FBH1: variants seen among roughly 807,000 people sequenced by gnomAD.
FBH1 encodes DNA 3'-5' helicase 1.
A neutral mutation model predicts 115.5 loss-of-function variants in FBH1; 43 were observed. The observed-to-expected ratio is 0.37, with a 90% CI of 0.29 to 0.48. The LOEUF (loss-of-function observed/expected upper bound fraction) is 0.48, where lower values mean the gene tolerates loss of function less well. FBH1 is among the 20% of genes least tolerant of loss of function. The probability of loss-of-function intolerance (pLI) is 0.99; values close to 1 mark genes in which losing one functional copy is unlikely to be tolerated. For synonymous variants in FBH1, 524 were observed against 507.8 expected (o/e 1.03, Z -0.43); for missense variants, 1,001 against 1,337.3 (o/e 0.75, Z 3.92).
rs1344950920 is a variant in FBH1 at position 5,933,755 on chromosome 10, G to A, written c.2830-2701G>A. Among the ~76,000 whole-genome samples the A allele has an allele frequency of 6.6e-6, 1 of 151,918 alleles. No individual in the cohort carries two copies. The highest frequency in any genetic ancestry group is 1.9e-4 in the East Asian group (1 of 5,178). On this transcript the variant is annotated intron_variant, in intron 19 of 20. Coordinates refer to ENST00000362091, the MANE Select transcript of FBH1 (RefSeq NM_178150.3). The surrounding 1 kb of genome is among the most constrained non-coding windows in gnomAD (Gnocchi z 4.9). ...CCTCCTGGGTTCAAGCTGTTCTCCT[G>A]TGTCAGCCTCTCAAGTAGCTGGTAG... is the stretch of plus-strand genomic sequence containing the variant.
chr10:5,936,576 C>T lies in FBH1; in HGVS notation c.2950C>T (p.Pro984Ser), dbSNP rs915735858. ...CACCGTCCTTACCATGAAGAAGCTG[C>T]CCATCACCTATGTACGTCTGCTGTC... ...VDTVLTMKKL[P>S]ITYSNRKENK... The change falls in exon 20 of 21, where the codon CCC (proline) becomes TCC (serine). Residue 984 changes from proline (P) to serine (S), a missense_variant. Around this residue, in one of 4 missense-constraint regions of FBH1, gnomAD observed 521 missense variants for 811.0 expected, o/e 0.64. Transcript: ENST00000362091. This position sits in a 1 kb window ranked among gnomAD's most constrained non-coding sequence, Gnocchi z 5.6. 3.7e-6 allele frequency: 6 copies of T among 1,614,070 alleles called. No homozygotes were observed. In the Admixed American group the frequency reaches 5.0e-5, roughly 13 times the overall value.
At position 5,925,156 on chromosome 10, in the gene FBH1, T is replaced by C; in HGVS notation, c.2597-211T>C. 1 of 569,998 alleles carries C rather than the reference T, an allele frequency of 1.8e-6. No individual in the cohort carries two copies. 35.3% of individuals were successfully genotyped at this position (569,998 alleles called of 1,614,324 possible). On this transcript the variant is annotated intron_variant, in intron 17 of 20. Coordinates refer to ENST00000362091, the MANE Select transcript of FBH1 (RefSeq NM_178150.3). The surrounding 1 kb of genome is among the most constrained non-coding windows in gnomAD (Gnocchi z 4.6). ...GAGGCGTTAACTCTCCTGCAACTAA[T>C]TTTCGACTTTTCCCCTCGTCTTTTT...
chr10:5,908,612 T>G (rs995869944), intron 3 of FBH1, among the ~76,000 whole-genome samples: 7 of 152,096 alleles, frequency 4.6e-5, no homozygotes, highest in Admixed American at 1.3e-4. Flanking sequence ...CTTTCTTTTT[T>G]TTTTTTTGAG....
At chr10:5,930,176 A>C (rs1357507449) in intron 19 of FBH1, among the ~76,000 whole-genome samples, 1 of 152,218 alleles carries the variant, frequency 6.6e-6, no homozygotes, top group Non-Finnish European at 1.5e-5. Context: ...CATAACTACC[A>C]TGCCATTTTC....
Position 5,909,125 on chromosome 10 carries a change from C to T in FBH1, c.885-34C>T, listed in dbSNP as rs1831399445. ...CTTGTACATCAGTGCTTATGGTCAC[C>T]CTACTCATGGCCTCTCCTGTGAATG... On this transcript the variant is annotated intron_variant, in intron 4 of 20. Transcript: ENST00000362091. This position sits in a 1 kb window ranked among gnomAD's most constrained non-coding sequence, Gnocchi z 4.4. The T allele has an allele frequency of 1.2e-6, 2 of 1,613,328 alleles. No individual in the cohort carries two copies. Among genetic ancestry groups the T allele is most frequent in the Non-Finnish European group, 1.7e-6 (2 of 1,179,742 alleles).
Position 5,921,606 on chromosome 10 carries a change from A to C in FBH1, c.2322+37A>C. Reference sequence around the variant, plus strand: ...TTTCTGTTGACCACTTCATGCACAGAAACGTTGTAGACGAACATACCCAAT... The same window carrying C: ...TTTCTGTTGACCACTTCATGCACAGCAACGTTGTAGACGAACATACCCAAT... On this transcript the variant is annotated intron_variant, in intron 15 of 20. Coordinates refer to ENST00000362091, the MANE Select transcript of FBH1 (RefSeq NM_178150.3). The surrounding 1 kb of genome is among the most constrained non-coding windows in gnomAD (Gnocchi z 6.4). The C allele has an allele frequency of 6.3e-7, 1 of 1,581,006 alleles. No individual in the cohort carries two copies. The highest frequency in any genetic ancestry group is 2.1e-5 in the Admixed American group (1 of 47,514).
At position 5,924,942 on chromosome 10, in the gene FBH1, G is replaced by A. The variant is rs952242294; in HGVS notation, c.2597-425G>A. The stretch of plus-strand genomic sequence containing the variant: ...ATTGCTTAAGGGAAAGGGGAGCAGA[G>A]TCCTGGTTCTTCCTCAGGGGCTCTT... On this transcript the variant is annotated intron_variant, in intron 17 of 20. Coordinates refer to ENST00000362091, the MANE Select transcript of FBH1 (RefSeq NM_178150.3). The surrounding 1 kb of genome is among the most constrained non-coding windows in gnomAD (Gnocchi z 6.2). 2.8e-6 allele frequency: 1 copy of A among 356,396 alleles called. No homozygotes were observed. Among genetic ancestry groups the A allele is most frequent in the South Asian group, 2.2e-5 (1 of 45,092 alleles). The allele number at this position is 356,396 out of a possible 1,614,324, so 22.1% of individuals were successfully genotyped here.
Position 5,915,974 on chromosome 10 carries a change from C to T in FBH1, c.1566-260C>T. On this transcript the variant is annotated intron_variant, in intron 9 of 20. Transcript: ENST00000362091. The surrounding 1 kb of genome is among the most constrained non-coding windows in gnomAD (Gnocchi z 5.2). ...GGAACTCCAAGGGTCCCTCCGGGGA[C>T]CTTCTGGAGCCCAGCTTCATGGTGG... The T allele has an allele frequency of 1.9e-6, 1 of 517,872 alleles. No individual in the cohort carries two copies. The highest frequency in any genetic ancestry group is 3.4e-5 in the East Asian group (1 of 29,104). 32.1% of individuals were successfully genotyped at this position (517,872 alleles called of 1,614,324 possible).
In FBH1 at chr10:5,923,575, C is replaced by A; in HGVS notation, c.2323-46C>A. 1 of 1,522,942 alleles carries A rather than the reference C, an allele frequency of 6.6e-7. No homozygotes were observed. 94.3% of individuals were successfully genotyped at this position (1,522,942 alleles called of 1,614,324 possible). On this transcript the variant is annotated intron_variant, in intron 15 of 20. Coordinates refer to ENST00000362091, the MANE Select transcript of FBH1 (RefSeq NM_178150.3). The surrounding 1 kb of genome is among the most constrained non-coding windows in gnomAD (Gnocchi z 5.7). ...TAAAGCAACAACAAACAAAACAAAACAAAAAACAACAAAAAAACAAAAATC... is the reference window on the plus strand; with the variant it reads ...TAAAGCAACAACAAACAAAACAAAAAAAAAAACAACAAAAAAACAAAAATC...
In FBH1 at chr10:5,915,466, A is replaced by G. The variant is rs1260421365; in HGVS notation, c.1460A>G (p.Tyr487Cys). 1 of 1,614,068 alleles carries G rather than the reference A, an allele frequency of 6.2e-7. No homozygotes were observed. The highest frequency in any genetic ancestry group is 1.3e-5 in the African/African-American group (1 of 74,926). ...AEKWSQSRFL[Y>C]VTFNKSIAKQ... ...AAGTGGTCTCAGAGCAGGTTTCTGT[A>G]TGTGACATTCAACAAGAGCATCGCA... The change falls in exon 9 of 21, where the codon TAT (tyrosine) becomes TGT (cysteine). Residue 487 changes from tyrosine (Y) to cysteine (C), a missense_variant. Physicochemically the swap from Tyr to Cys is radical, Grantham distance 194 (BLOSUM62 -2). Transcript: ENST00000362091. The surrounding 1 kb of genome is among the most constrained non-coding windows in gnomAD (Gnocchi z 5.2).
chr10:5,904,369 G>C (rs1267938264), intron 2 of FBH1, among the ~76,000 whole-genome samples: 2 of 152,122 alleles, frequency 1.3e-5, no homozygotes, highest in African/African-American at 4.8e-5. Flanking sequence ...CCTGCTGTGG[G>C]AACTACTATA....
At position 5,895,550 on chromosome 10, in the gene FBH1, G is replaced by C. The variant is rs1181781269; in HGVS notation, c.1+5204G>C. On this transcript the variant is annotated intron_variant, in intron 1 of 20. Transcript: ENST00000362091. This position sits in a 1 kb window ranked among gnomAD's most constrained non-coding sequence, Gnocchi z 5.0. The stretch of plus-strand genomic sequence containing the variant: ...CTGAATGGTTAGGGTAAGCTTTGCT[G>C]CAGTGACAAATAGATCCAGACATGT... Among the ~76,000 whole-genome samples, 2 of 152,154 alleles carry C rather than the reference G, an allele frequency of 1.3e-5. No individual in the cohort carries two copies. The highest frequency in any genetic ancestry group is 6.6e-5 in the Admixed American group (1 of 15,266).
rs1843300615 is a variant in FBH1 at position 5,900,808 on chromosome 10, A to G, written c.2-2212A>G. Among the ~76,000 whole-genome samples the G allele has an allele frequency of 6.6e-6, 1 of 152,194 alleles. No homozygotes were observed. Among genetic ancestry groups the G allele is most frequent in the Non-Finnish European group, 1.5e-5 (1 of 68,036 alleles). On this transcript the variant is annotated intron_variant, in intron 1 of 20. Transcript: ENST00000362091. The surrounding 1 kb of genome is among the most constrained non-coding windows in gnomAD (Gnocchi z 4.2). The stretch of plus-strand genomic sequence containing the variant: ...TTTATGTATTTTCAAGCTTAAAGGA[A>G]ATGTCAAGCTGGGCACAGTGGCTCA...
chr10:5,934,901 C>G, intron 19 of FBH1: 1 of 152,366 alleles, frequency 6.6e-6, no homozygotes, highest in Non-Finnish European at 1.5e-5. Flanking sequence ...AGGCTGGTCT[C>G]GAACTCCTGG....
At position 5,914,275 on chromosome 10, in the gene FBH1, G is replaced by A; in HGVS notation, c.1396+6G>A. ...GAAAATTATGGCCTTTGCCGGTAAGGGAGCCCACATCAGGTTCACGAGGTG... is the reference window on the plus strand; with the variant it reads ...GAAAATTATGGCCTTTGCCGGTAAGAGAGCCCACATCAGGTTCACGAGGTG... On this transcript the variant is annotated splice_donor_region_variant and intron_variant, in intron 8 of 20. Coordinates refer to ENST00000362091, the MANE Select transcript of FBH1 (RefSeq NM_178150.3). The surrounding 1 kb of genome is among the most constrained non-coding windows in gnomAD (Gnocchi z 5.2). 3 of 1,613,836 alleles carry A rather than the reference G, an allele frequency of 1.9e-6. No individual in the cohort carries two copies. Among genetic ancestry groups the A allele is most frequent in the Non-Finnish European group, 2.5e-6 (3 of 1,179,674 alleles).
intron 1 of FBH1, among the ~76,000 whole-genome samples, chr10:5,892,362 C>T (rs1842783367): frequency 6.6e-6 from 1 of 152,136 alleles, no homozygotes. Flanking sequence ...TGTGTAGACA[C>T]CACTATTGGT....
rs959417471 is a variant in FBH1 at position 5,923,805 on chromosome 10, G to A, written c.2398+109G>A. On this transcript the variant is annotated intron_variant, in intron 16 of 20. Transcript: ENST00000362091. The surrounding 1 kb of genome is among the most constrained non-coding windows in gnomAD (Gnocchi z 5.7). ...GGGACCCGTTTCCCTCCAGAGAAGG[G>A]CGAGCTAGTGTTGCTGTCTTCCCAT... 5.0e-6 allele frequency: 5 copies of A among 1,004,860 alleles called. No individual in the cohort carries two copies. Among genetic ancestry groups the A allele is most frequent in the Non-Finnish European group, 7.5e-6 (5 of 664,400 alleles). The allele number at this position is 1,004,860 out of a possible 1,614,324, so 62.2% of individuals were successfully genotyped here.
rs1249123815 is a variant in FBH1 at position 5,897,524 on chromosome 10, A to G, written c.2-5496A>G. ...TAGAAAAGTTATTTTTGATACATAT[A>G]TCCAATAAGTCCAAGGGGTGGGGAA... On this transcript the variant is annotated intron_variant, in intron 1 of 20. Coordinates refer to ENST00000362091, the MANE Select transcript of FBH1 (RefSeq NM_178150.3). The surrounding 1 kb of genome is among the most constrained non-coding windows in gnomAD (Gnocchi z 4.7). 6.6e-6 allele frequency among the ~76,000 whole-genome samples: 1 copy of G among 152,134 alleles called. No individual in the cohort carries two copies. The highest frequency in any genetic ancestry group is 2.4e-5 in the African/African-American group (1 of 41,414).
chr10:5,897,580 A>G lies in FBH1; in HGVS notation c.2-5440A>G, dbSNP rs1843084425. On this transcript the variant is annotated intron_variant, in intron 1 of 20. Coordinates refer to ENST00000362091, the MANE Select transcript of FBH1 (RefSeq NM_178150.3). This position sits in a 1 kb window ranked among gnomAD's most constrained non-coding sequence, Gnocchi z 4.7. ...TAAAAGTGTTAATAAAAATCCAATA[A>G]AAGTACCAGCTCTCCCGCCAGCCAA... Among the ~76,000 whole-genome samples, 1 of 152,170 alleles carries G rather than the reference A, an allele frequency of 6.6e-6. No homozygotes were observed. Among genetic ancestry groups the G allele is most frequent in the Non-Finnish European group, 1.5e-5 (1 of 68,020 alleles).
Sources: allele counts gnomAD v4.1 joint callset (sites outside exome capture counted in the v4.1 genomes callset), GRCh38; gene constraint gnomAD v4.1.1; regional missense constraint gnomAD v4.1.1; non-coding constraint Gnocchi (gnomAD v3.1); transcripts MANE v1.5; gene names NCBI Gene and HGNC (gene_info 2026-07-23, HGNC 2026-07-21).